Variants in SI observed in about 807,000 individuals in gnomAD.
SI encodes sucrase-isomaltase.
A neutral mutation model predicts 253.3 loss-of-function variants in SI; 235 were observed. The observed-to-expected ratio is 0.93, with a 90% CI of 0.83 to 1.03. The LOEUF (loss-of-function observed/expected upper bound fraction) is 1.03. SI is among the 50% of genes least tolerant of loss of function. SI has a pLI of 0.00. For synonymous variants in SI, 819 were observed against 712.0 expected, an observed-to-expected ratio of 1.15 and a Z score of -2.39; for missense variants, 2,442 against 2,211.1, an observed-to-expected ratio of 1.10 and a Z score of -2.09.
intron 30 of SI, 22 bp from the exon 31 acceptor site, chr3:165,017,695 G>T (rs370748148): frequency 3.7e-6 from 6 of 1,610,176 alleles, no homozygotes; most frequent in African/African-American, 1.3e-5. Context: ...ATTCATGTGT[G>T]AACTAAGAGA....
intron 3 of SI, among the ~76,000 whole-genome samples, chr3:165,070,364 A>G (rs9843222): frequency 0.9 from 125,165 of 139,690 alleles, 56,091 homozygotes; most frequent in Middle Eastern, 0.95. Flanking sequence ...ATATATATAT[A>G]TGTGTGTGTG....
chr3:165,067,400 A>G lies in SI; in HGVS notation c.575T>C (p.Val192Ala), dbSNP rs549019064. The change falls in exon 6 of 48, where the codon GTG (valine) becomes GCG (alanine). Residue 192 changes from valine (V) to alanine (A), a missense_variant. Coordinates refer to ENST00000264382, the MANE Select transcript of SI (RefSeq NM_001041.4). ...GPTVSDTLYD[V>A]KVAQNPFSIQ... ...GCTAAATGGGTTTTGGGCAACCTTC[A>G]CATCATACAACGTATCAGAAACTGT... 6.2e-7 allele frequency: 1 copy of G among 1,612,658 alleles called. No homozygotes were observed. Among genetic ancestry groups the G allele is most frequent in the Admixed American group, 1.7e-5 (1 of 59,988 alleles).
intron 37 of SI, among the ~76,000 whole-genome samples, chr3:165,001,123 A>T (rs534789248): frequency 6.6e-6 from 1 of 151,464 alleles, no homozygotes; most frequent in South Asian, 2.1e-4. Context: ...AGAAAATGTT[A>T]AATTAATTAA....
chr3:165,007,550 G>A (rs1718570779), intron 36 of SI, among the ~76,000 whole-genome samples: 1 of 151,824 alleles, frequency 6.6e-6, no homozygotes, highest in South Asian at 2.1e-4. Flanking sequence ...ATCTTAAAGA[G>A]TATTTAACAT....
chr3:164,991,325 AC>A (rs1248682276), intron 44 of SI, 27 bp downstream of exon 44: 1 of 1,613,142 alleles, frequency 6.2e-7, no homozygotes, highest in Non-Finnish European at 8.5e-7. Context: ...TCAAAATTTA[AC>A]CTGAGCTTTG....
At chr3:165,028,594 T>C (rs944239065) in intron 25 of SI, among the ~76,000 whole-genome samples, 2 of 151,266 alleles carry the variant, frequency 1.3e-5, no homozygotes, top group African/African-American at 2.4e-5. Flanking sequence ...AATAATCACA[T>C]AGACCAATGG....
chr3:164,988,809 A>G (rs1717562464), intron 44 of SI, among the ~76,000 whole-genome samples: 1 of 152,204 alleles, frequency 6.6e-6, no homozygotes, highest in South Asian at 2.1e-4. Context: ...GTCTGAGAAG[A>G]CAGAGCAGAT....
chr3:165,054,127 T>C (rs1000806026), intron 13 of SI, among the ~76,000 whole-genome samples: 1 of 152,152 alleles, frequency 6.6e-6, no homozygotes, highest in Non-Finnish European at 1.5e-5. Context: ...ATTTGCTAAC[T>C]AAATGATTGA....
the SI span, among the ~76,000 whole-genome samples, chr3:165,088,039 T>A: frequency 6.6e-6 from 1 of 152,132 alleles, no homozygotes; most frequent in Admixed American, 6.6e-5. Flanking sequence ...TTCATATGTA[T>A]GTAAAATTAA....
At chr3:165,029,032 A>G (rs1003366133) in intron 25 of SI, among the ~76,000 whole-genome samples, 1 of 151,586 alleles carries the variant, frequency 6.6e-6, no homozygotes, top group Non-Finnish European at 1.5e-5. Context: ...ACATCTGACA[A>G]AGAACGAATA....
Position 165,009,260 on chromosome 3 carries a change from T to C in SI, c.4179+19A>G, listed in dbSNP as rs1160228669. On this transcript the variant is annotated intron_variant, in intron 35 of 47. Transcript: ENST00000264382. ...CACAATAAATAACTTAAAACATAGATTGTTCAAAGCTTACTTACAATCCAC... is the reference window on the plus strand; with the variant it reads ...CACAATAAATAACTTAAAACATAGACTGTTCAAAGCTTACTTACAATCCAC... 6.8e-6 allele frequency: 10 copies of C among 1,473,334 alleles called. No individual in the cohort carries two copies. The highest frequency in any genetic ancestry group is 9.5e-6 in the Non-Finnish European group (10 of 1,051,974). 91.3% of individuals were successfully genotyped at this position (1,473,334 alleles called of 1,614,324 possible).
intron 40 of SI, 74 bp downstream of exon 40, chr3:164,996,461 G>C (rs1667835376): frequency 1.1e-6 from 1 of 883,500 alleles, no homozygotes; most frequent in Admixed American, 1.7e-5. Flanking sequence ...AGCTAACCAA[G>C]CCATGTACAC....
At chr3:165,089,037 A>T in the SI span, among the ~76,000 whole-genome samples, 1 of 149,822 alleles carries the variant, frequency 6.7e-6, no homozygotes, top group African/African-American at 2.4e-5. Flanking sequence ...CACCTCCCAA[A>T]TTTGCTGTCT....
At chr3:165,008,408 T>C (rs1718618378) in intron 35 of SI, among the ~76,000 whole-genome samples, 1 of 151,988 alleles carries the variant, frequency 6.6e-6, no homozygotes, top group Non-Finnish European at 1.5e-5. Flanking sequence ...AAGAAGTATC[T>C]CTATTGAGTA....
At chr3:165,036,357 G>T in intron 22 of SI, 32 bp downstream of exon 22, 1 of 1,436,350 alleles carries the variant, frequency 7.0e-7, no homozygotes, top group African/African-American at 1.4e-5. Flanking sequence ...TTATCAGAGT[G>T]AACATTTAAA....
chr3:165,053,192 CAA>C (rs1418786468), intron 13 of SI, among the ~76,000 whole-genome samples: 2 of 151,684 alleles, frequency 1.3e-5, no homozygotes, highest in African/African-American at 2.4e-5. Flanking sequence ...AAAGAGAATT[CAA>C]ATTTATTATA....
upstream of SI, among the ~76,000 whole-genome samples, chr3:165,080,131 A>C (rs1387036531): frequency 6.6e-6 from 1 of 152,036 alleles, no homozygotes; most frequent in Non-Finnish European, 1.5e-5. Context: ...AGCAATGAAA[A>C]GTTATAAACT....
At chr3:164,979,965 T>C (rs1055268637) in intron 47 of SI, among the ~76,000 whole-genome samples, 2 of 151,876 alleles carry the variant, frequency 1.3e-5, no homozygotes, top group African/African-American at 4.8e-5. Flanking sequence ...ATCTCTATCA[T>C]GGAGATTATT....
At chr3:165,074,481 T>G (rs950195216) in intron 3 of SI, 50 bp downstream of exon 3, 15 of 1,170,700 alleles carry the variant, frequency 1.3e-5, no homozygotes, top group Admixed American at 9.9e-5. Flanking sequence ...ATTATCTTAA[T>G]ATAATAATGT....
Sources: allele counts gnomAD v4.1 joint callset (sites outside exome capture counted in the v4.1 genomes callset), GRCh38; gene constraint gnomAD v4.1.1; transcripts MANE v1.5; gene names NCBI Gene and HGNC (gene_info 2026-07-23, HGNC 2026-07-21).